Variants in BRD4 observed in about 807,000 individuals in gnomAD.
BRD4 encodes the protein bromodomain containing 4.
In BRD4, 16 loss-of-function variants were observed where a neutral mutation model predicts 142.1. The observed-to-expected ratio is 0.11, with a 90% CI of 0.08 to 0.17. The LOEUF (loss-of-function observed/expected upper bound fraction) is 0.17. Among genes scored for constraint, BRD4 ranks in the 10% least tolerant of loss-of-function variants. BRD4 has a pLI of 1.00. For missense variants in BRD4, 1,424 were observed against 1,810.9 expected (o/e 0.79, Z 3.88); for synonymous variants, 833 against 707.5 (o/e 1.18, Z -2.82).
intron 7 of BRD4, among the ~76,000 whole-genome samples, chr19:15,260,010 C>T (rs974808549): frequency 3.3e-5 from 5 of 152,184 alleles, no homozygotes; most frequent in Admixed American, 2.6e-4. Context: ...CAGGGAACAC[C>T]GAGTGCAGGC....
intron 2 of BRD4, among the ~76,000 whole-genome samples, chr19:15,270,801 G>T (rs767439231): frequency 2.6e-5 from 4 of 152,124 alleles, no homozygotes; most frequent in Non-Finnish European, 4.4e-5. Context: ...TGATGCTCCT[G>T]ATCAAGCATC....
At chr19:15,260,427 G>A (rs1180566546) in intron 7 of BRD4, among the ~76,000 whole-genome samples, 2 of 152,202 alleles carry the variant, frequency 1.3e-5, no homozygotes, top group African/African-American at 4.8e-5. Context: ...GTAGAGAGAA[G>A]TAAGAAAAAC....
chr19:15,273,268 C>G, intron 1 of BRD4, 135 bp from the exon 2 acceptor site: 1 of 813,040 alleles, frequency 1.2e-6, no homozygotes, highest in Non-Finnish European at 1.9e-6. Context: ...CCAGAGGGAC[C>G]ACCCCATGCT....
chr19:15,316,111 G>A (rs1241125998), intron 1 of BRD4, among the ~76,000 whole-genome samples: 36 of 135,710 alleles, frequency 2.7e-4, no homozygotes, highest in African/African-American at 8.6e-4. Context: ...AGCCGAGATC[G>A]CGCCACTGCA....
chr19:15,325,997 CAAAAAAAAAAA>C (rs35801340), intron 1 of BRD4, among the ~76,000 whole-genome samples: 4 of 50,714 alleles, frequency 7.9e-5, no homozygotes, highest in African/African-American at 3.2e-4. Context: ...GACTCCGTCT[CAAAAAAAAAAA>C]AAAAAAAAAA....
intron 1 of BRD4, among the ~76,000 whole-genome samples, chr19:15,274,519 C>T (rs1175392531): frequency 2.6e-5 from 4 of 152,232 alleles, no homozygotes; most frequent in Non-Finnish European, 5.9e-5. Context: ...ATAGCTGATG[C>T]TGCGCACCAA....
In BRD4 at chr19:15,238,562, T is replaced by C; in HGVS notation, c.4021-117A>G. On this transcript the variant is annotated intron_variant, in intron 19 of 19. Coordinates refer to ENST00000679869, the MANE Select transcript of BRD4 (RefSeq NM_001379291.1). This position sits in a 1 kb window ranked among gnomAD's most constrained non-coding sequence, Gnocchi z 7.2. ...AGCCCTCCCCGTGGCTGACCCCTCA[T>C]AGCGCTCACCCCGTCCACACAGCAC... The C allele has an allele frequency of 3.2e-6, 5 of 1,556,920 alleles. No homozygotes were observed. Among genetic ancestry groups the C allele is most frequent in the South Asian group, 1.2e-5 (1 of 81,678 alleles).
rs776918333 is a variant in BRD4, at chr19:15,244,380, T to C, written c.2432A>G (p.Gln811Arg). Residue 811 changes from glutamine to arginine, a missense_variant, in exon 13 of 20, where the codon CAG (glutamine) becomes CGG (arginine). Around this residue, in one of 16 missense-constraint regions of BRD4, gnomAD observed 598 missense variants for 647.8 expected, o/e 0.92. Transcript: ENST00000679869. ...GGGGTCAAAGACGCTGCCTGGGAGC[T>C]GGGGCTCCAGGACGGGCACCTGGGT... is the stretch of plus-strand genomic sequence containing the variant. ...IATQVPVLEPQLPGSVFDPIG... is the reference protein window; with the variant it reads ...IATQVPVLEPRLPGSVFDPIG... 1 of 1,432,046 alleles carries C rather than the reference T, an allele frequency of 7.0e-7. No individual in the cohort carries two copies. The highest frequency in any genetic ancestry group is 9.3e-7 in the Non-Finnish European group (1 of 1,079,246). 88.7% of individuals were successfully genotyped at this position (1,432,046 alleles called of 1,614,324 possible). A position where few individuals can be genotyped will look rare whatever the true frequency, so the allele number is the denominator to read the frequency against.
At position 15,243,222 on chromosome 19, in the gene BRD4, C is replaced by A; in HGVS notation, c.2847G>T (p.Lys949Asn). 7.2e-7 allele frequency: 1 copy of A among 1,386,116 alleles called. No homozygotes were observed. The highest frequency in any genetic ancestry group is 9.6e-7 in the Non-Finnish European group (1 of 1,042,082). The allele number at this position is 1,386,116 out of a possible 1,614,324, so 85.9% of individuals were successfully genotyped here. A position where few individuals can be genotyped will look rare whatever the true frequency, so the allele number is the denominator to read the frequency against. ...GGGGGGGTGGGGGCTGGGACTGCAC[C>A]TTCACGGAAGGGAGTAGCGGCGTAG... is the stretch of plus-strand genomic sequence containing the variant. ...QPPTPLLPSV[K>N]VQSQPPPPLP... Residue 949 changes from lysine to asparagine, a missense_variant, in exon 14 of 20, where the codon AAG becomes AAT. Lys to Asn is a moderately conservative substitution (Grantham distance 94, BLOSUM62 0). Transcript: ENST00000679869.
At chr19:15,327,928 G>T (rs1409296883) in intron 1 of BRD4, among the ~76,000 whole-genome samples, 3 of 109,794 alleles carry the variant, frequency 2.7e-5, no homozygotes, top group Non-Finnish European at 3.7e-5. Context: ...TGGGGGGGGG[G>T]GGTGGAAATG....
rs570553796 is a variant in BRD4, at chr19:15,315,509, T to C, written c.-35+16781A>G. On this transcript the variant is annotated intron_variant, in intron 1 of 19. Transcript: ENST00000679869. ...CTTGGAAACAGAATCCTTAAGGGGA[T>C]TGGGGGGGGGAAGCACCCATGAGCT... Among the ~76,000 whole-genome samples the C allele has an allele frequency of 2.2e-4, 34 of 151,616 alleles. No homozygotes were observed. In the East Asian group the frequency reaches 2.4e-3, roughly 11 times the overall value.
chr19:15,253,231 T>A (rs1163861580), intron 11 of BRD4: 3 of 428,410 alleles, frequency 7.0e-6, no homozygotes, highest in Non-Finnish European at 1.3e-5. Flanking sequence ...GTTAGCTCCA[T>A]CTCTCAGCAG....
In BRD4 at chr19:15,272,884, C is replaced by T; in HGVS notation, c.216G>A (p.Lys72=). Residue 72 remains lysine (K), a synonymous_variant, in exon 2 of 20, where the codon AAG becomes AAA. Coordinates refer to ENST00000679869, the MANE Select transcript of BRD4 (RefSeq NM_001379291.1). ...QLQYLLRVVL[K]TLWKHQFAWP... ...ATGCAAACTGGTGTTTCCATAGTGT[C>T]TTGAGCACCACTCTGAGCAGGTATT... The T allele has an allele frequency of 6.2e-7, 1 of 1,614,146 alleles. No homozygotes were observed. The highest frequency in any genetic ancestry group is 8.5e-7 in the Non-Finnish European group (1 of 1,180,016).
rs183276801 is a variant in BRD4, at chr19:15,262,832, T to C, written c.1341+588A>G. Among the ~76,000 whole-genome samples the C allele has an allele frequency of 2.6e-3, 403 of 152,370 alleles. 1 individual carries two copies. Among genetic ancestry groups the C allele is most frequent in the South Asian group, 2.9e-3 (14 of 4,828 alleles). On this transcript the variant is annotated intron_variant, in intron 7 of 19. Coordinates refer to ENST00000679869, the MANE Select transcript of BRD4 (RefSeq NM_001379291.1). Reference sequence around the variant, plus strand: ...TTATTATTCAAAGAAAGTCATTTTTTAAACTTAGGTATTTTTCCTTTTTTA... The same window carrying C: ...TTATTATTCAAAGAAAGTCATTTTTCAAACTTAGGTATTTTTCCTTTTTTA...
At chr19:15,240,758 G>A (rs2047232149) in intron 14 of BRD4, among the ~76,000 whole-genome samples, 1 of 152,222 alleles carries the variant, frequency 6.6e-6, no homozygotes, top group Admixed American at 6.5e-5. Flanking sequence ...AGCTGGAGCA[G>A]CTGAGTCCTA....
Position 15,307,786 on chromosome 19 carries a change from A to G in BRD4, c.-35+24504T>C, listed in dbSNP as rs1157259223. Among the ~76,000 whole-genome samples the G allele has an allele frequency of 5.9e-5, 9 of 152,050 alleles. 1 individual carries two copies. Among genetic ancestry groups the G allele is most frequent in the Admixed American group, 5.9e-4 (9 of 15,266 alleles). On this transcript the variant is annotated intron_variant, in intron 1 of 19. Coordinates refer to ENST00000679869, the MANE Select transcript of BRD4 (RefSeq NM_001379291.1). ...GGCATCAGTGTGGTGACCTCCAAGG[A>G]GTGGGTACTACCAGATTGCCTAAGA...
chr19:15,309,058 C>T (rs1462242706), intron 1 of BRD4, among the ~76,000 whole-genome samples: 2 of 142,530 alleles, frequency 1.4e-5, no homozygotes, highest in East Asian at 2.1e-4. Context: ...ACTTTAGGGC[C>T]GGGTGCGGTG....
At chr19:15,287,362 C>T (rs2047747891) in intron 1 of BRD4, among the ~76,000 whole-genome samples, 1 of 152,038 alleles carries the variant, frequency 6.6e-6, no homozygotes, top group South Asian at 2.1e-4. Flanking sequence ...ACATTAAGTG[C>T]ATTCACGCTA....
intron 1 of BRD4, among the ~76,000 whole-genome samples, chr19:15,325,567 GA>G (rs777846268): frequency 2.0e-5 from 3 of 152,054 alleles, no homozygotes; most frequent in African/African-American, 4.8e-5. Flanking sequence ...ATTTGTGGGG[GA>G]AAAAATGTTT....
Sources: gnomAD v4.1 joint callset for allele counts (sites outside exome capture counted in the v4.1 genomes callset) on GRCh38, gnomAD v4.1.1 for gene constraint, gnomAD v4.1.1 regional missense constraint, Gnocchi (gnomAD v3.1) non-coding constraint, MANE v1.5 for transcripts, NCBI Gene and HGNC (gene_info 2026-07-23, HGNC 2026-07-21) for gene names.